The following SMARCD2 variants were observed in gnomAD, a reference collection of about 807,000 sequenced individuals.
The protein encoded by SMARCD2 is SWI/SNF-related matrix-associated actin-dependent regulator of chromatin subfamily D member 2.
SMARCD2 carries 39 observed loss-of-function variants against 70.4 expected under a neutral mutation model. The observed-to-expected ratio is 0.55, with a 90% CI of 0.43 to 0.72. The LOEUF is 0.72. Ranked by LOEUF, SMARCD2 falls within the 30% of genes least tolerant of loss-of-function variation. The pLI is 0.00. For missense variants in SMARCD2, 540 were observed against 713.4 expected (o/e 0.76, Z 2.77); for synonymous variants, 249 against 279.4 (o/e 0.89, Z 1.08).
At chr17:63,838,106 G>A (rs1270063221) in intron 1 of SMARCD2, among the ~76,000 whole-genome samples, 2 of 152,140 alleles carry the variant, frequency 1.3e-5, no homozygotes, top group Non-Finnish European at 2.9e-5. Context: ...AGTATGAGTA[G>A]GCCAATGGCG....
In SMARCD2 at chr17:63,837,561, C is replaced by T; in HGVS notation, c.281G>A (p.Gly94Asp). ...CGGAGCTGCTGCACCAAATGGGGAG[C>T]CAGCAGGGGGTCCCACCTGCAAGCC... ...MAGLQVGPPA[G>D]SPFGAAAPLR... Residue 94 changes from glycine to aspartate, a missense_variant, in exon 2 of 13, where the codon GGC (glycine) becomes GAC (aspartate). Transcript: ENST00000448276. The surrounding 1 kb of genome is among the most constrained non-coding windows in gnomAD (Gnocchi z 6.4). The T allele has an allele frequency of 1.2e-6, 2 of 1,611,988 alleles. No individual in the cohort carries two copies. The highest frequency in any genetic ancestry group is 1.7e-6 in the Non-Finnish European group (2 of 1,179,138).
At position 63,833,876 on chromosome 17, in the gene SMARCD2, G is replaced by GAAGA; in HGVS notation, c.1181+29_1181+32dup. 1.9e-6 allele frequency: 3 copies of GAAGA among 1,557,898 alleles called. No homozygotes were observed. Among genetic ancestry groups the GAAGA allele is most frequent in the Non-Finnish European group, 2.7e-6 (3 of 1,129,580 alleles). On this transcript the variant is annotated intron_variant, in intron 9 of 12. Coordinates refer to ENST00000448276, the MANE Select transcript of SMARCD2 (RefSeq NM_001098426.2). The surrounding 1 kb of genome is among the most constrained non-coding windows in gnomAD (Gnocchi z 4.3). ...CAAGCCAAGGGTGAATCTGCTCTTA[G>GAAGA]AAGAGCCTTCCTGTCCCCCTCCTTG... is the stretch of plus-strand genomic sequence containing the variant.
Position 63,834,231 on chromosome 17 carries a change from T to C in SMARCD2, c.1019A>G (p.Lys340Arg). The change falls in exon 8 of 13, where the codon AAG becomes AGG. Residue 340 changes from lysine (K) to arginine (R), a missense_variant. Physicochemically the swap from Lys to Arg is conservative, Grantham distance 26. Transcript: ENST00000448276. The surrounding 1 kb of genome is among the most constrained non-coding windows in gnomAD (Gnocchi z 5.6). ...AIMQALWLYI[K>R]HNQLQDGHER... The stretch of plus-strand genomic sequence containing the variant: ...GTGCCCATCCTGCAGCTGGTTGTGC[T>C]TGATGTAAAGCCACAGGGCCTGCAT... 1 of 1,609,372 alleles carries C rather than the reference T, an allele frequency of 6.2e-7. No homozygotes were observed. The highest frequency in any genetic ancestry group is 1.1e-5 in the South Asian group (1 of 90,318).
chr17:63,837,495 C>T lies in SMARCD2; in HGVS notation c.347G>A (p.Arg116Gln), dbSNP rs1369921784. The T allele has an allele frequency of 1.3e-6, 2 of 1,594,600 alleles. No homozygotes were observed. The highest frequency in any genetic ancestry group is 1.1e-5 in the South Asian group (1 of 89,024). ...CGCCTGGGGCACAAGCAGGCGTTTT[C>T]GGAATGGATCCATCATGGTGGGTGG... Reference protein sequence around the residue: ...GMPPTMMDPFRKRLLVPQAQP... With the variant: ...GMPPTMMDPFQKRLLVPQAQP... The change falls in exon 2 of 13, where the codon CGA (arginine) becomes CAA (glutamine). Residue 116 changes from arginine to glutamine, a missense_variant. Transcript: ENST00000448276. The surrounding 1 kb of genome is among the most constrained non-coding windows in gnomAD (Gnocchi z 6.4).
chr17:63,834,153 G>T lies in SMARCD2; in HGVS notation c.1083+14C>A. ...AGCAAGGGCTGAGAAAACGGGGGCTGGCATCTGGCTAACCTGGCGGAAGTA... is the reference window on the plus strand; with the variant it reads ...AGCAAGGGCTGAGAAAACGGGGGCTTGCATCTGGCTAACCTGGCGGAAGTA... On this transcript the variant is annotated intron_variant, in intron 8 of 12. Coordinates refer to ENST00000448276, the MANE Select transcript of SMARCD2 (RefSeq NM_001098426.2). This position sits in a 1 kb window ranked among gnomAD's most constrained non-coding sequence, Gnocchi z 5.6. 6.2e-7 allele frequency: 1 copy of T among 1,608,844 alleles called. No homozygotes were observed. Among genetic ancestry groups the T allele is most frequent in the South Asian group, 1.1e-5 (1 of 90,596 alleles).
chr17:63,837,412 G>A lies in SMARCD2; in HGVS notation c.401+29C>T. 6.4e-7 allele frequency: 1 copy of A among 1,569,304 alleles called. No individual in the cohort carries two copies. Among genetic ancestry groups the A allele is most frequent in the Non-Finnish European group, 8.7e-7 (1 of 1,153,262 alleles). On this transcript the variant is annotated intron_variant, in intron 2 of 12. Coordinates refer to ENST00000448276, the MANE Select transcript of SMARCD2 (RefSeq NM_001098426.2). This position sits in a 1 kb window ranked among gnomAD's most constrained non-coding sequence, Gnocchi z 6.4. ...TCTGCTACCACCAGAGCTGAGTTAG[G>A]CAGAGTGAGAGAAGCAGGATGCTCT...
rs1226832343 is a variant in SMARCD2 at position 63,842,646 on chromosome 17, G to A, written c.29C>T (p.Pro10Leu). Residue 10 changes from proline (P) to leucine (L), a missense_variant, in exon 1 of 13, where the codon CCG becomes CTG. Pro to Leu is a moderately conservative substitution (Grantham distance 98). Coordinates refer to ENST00000448276, the MANE Select transcript of SMARCD2 (RefSeq NM_001098426.2). MSGRGAGGF[P>L]LPPLSPGGGA... Reference sequence around the variant, plus strand: ...GCCGCCAGGGCTTAGCGGGGGCAGCGGGAACCCGCCCGCGCCTCGGCCCGA... The same window carrying A: ...GCCGCCAGGGCTTAGCGGGGGCAGCAGGAACCCGCCCGCGCCTCGGCCCGA... 7 of 1,273,436 alleles carry A rather than the reference G, an allele frequency of 5.5e-6. No individual in the cohort carries two copies. The highest frequency in any genetic ancestry group is 2.7e-5 in the South Asian group (1 of 37,186). The allele number at this position is 1,273,436 out of a possible 1,614,324, so 78.9% of individuals were successfully genotyped here.
chr17:63,833,797 T>C lies in SMARCD2; in HGVS notation c.1182-75A>G, dbSNP rs1269541804. 2 of 1,589,944 alleles carry C rather than the reference T, an allele frequency of 1.3e-6. No homozygotes were observed. The highest frequency in any genetic ancestry group is 4.5e-5 in the East Asian group (2 of 44,684). On this transcript the variant is annotated intron_variant, in intron 9 of 12. Transcript: ENST00000448276. The surrounding 1 kb of genome is among the most constrained non-coding windows in gnomAD (Gnocchi z 4.3). The stretch of plus-strand genomic sequence containing the variant: ...CCACCTGGGCCAAATCTGGGGCCCA[T>C]TCTCTGCACACACTCAGGGAAAAAG...
At chr17:63,842,383 G>T in intron 1 of SMARCD2, 76 bp downstream of exon 1, 2 of 1,254,468 alleles carry the variant, frequency 1.6e-6, no homozygotes, top group Non-Finnish European at 2.0e-6. Flanking sequence ...GCCCTCACTC[G>T]AGGCCCCTTC....
intron 1 of SMARCD2, among the ~76,000 whole-genome samples, chr17:63,840,066 T>G (rs1042976558): frequency 2.0e-5 from 3 of 151,664 alleles, no homozygotes; most frequent in Non-Finnish European, 4.4e-5. Flanking sequence ...GAGGCGGAGG[T>G]TGCAGTGAGC....
Position 63,833,811 on chromosome 17 carries a change from T to A in SMARCD2, c.1182-89A>T. On this transcript the variant is annotated intron_variant, in intron 9 of 12. Coordinates refer to ENST00000448276, the MANE Select transcript of SMARCD2 (RefSeq NM_001098426.2). This position sits in a 1 kb window ranked among gnomAD's most constrained non-coding sequence, Gnocchi z 4.3. ...TCTGGGGCCCATTCTCTGCACACAC[T>A]CAGGGAAAAAGAAACCTGATGCTTT... 2.5e-6 allele frequency: 4 copies of A among 1,581,246 alleles called. No homozygotes were observed. Among genetic ancestry groups the A allele is most frequent in the Non-Finnish European group, 3.5e-6 (4 of 1,152,668 alleles).
intron 1 of SMARCD2, among the ~76,000 whole-genome samples, chr17:63,838,233 G>T (rs1247312502): frequency 6.6e-6 from 1 of 152,002 alleles, no homozygotes; most frequent in South Asian, 2.1e-4. Flanking sequence ...GCTGGTGGGG[G>T]TGGCCTCGGG....
In SMARCD2 at chr17:63,834,387, G is replaced by T. The variant is rs761636627; in HGVS notation, c.922-59C>A. 17 of 1,582,122 alleles carry T rather than the reference G, an allele frequency of 1.1e-5. No homozygotes were observed. The highest frequency in any genetic ancestry group is 1.4e-5 in the Non-Finnish European group (16 of 1,156,532). On this transcript the variant is annotated intron_variant, in intron 7 of 12. Coordinates refer to ENST00000448276, the MANE Select transcript of SMARCD2 (RefSeq NM_001098426.2). This position sits in a 1 kb window ranked among gnomAD's most constrained non-coding sequence, Gnocchi z 5.6. Reference sequence around the variant, plus strand: ...CTTATAGTAGAACAGTGGGAAAATAGGGCAGGGACAGGAAGGGTTTCTAGG... The same window carrying T: ...CTTATAGTAGAACAGTGGGAAAATATGGCAGGGACAGGAAGGGTTTCTAGG...
Position 63,833,891 on chromosome 17 carries a change from C to T in SMARCD2, c.1181+18G>A, listed in dbSNP as rs376037646. 38 of 1,581,162 alleles carry T rather than the reference C, an allele frequency of 2.4e-5. No individual in the cohort carries two copies. The highest frequency in any genetic ancestry group is 5.0e-5 in the Admixed American group (3 of 59,918). On this transcript the variant is annotated intron_variant, in intron 9 of 12. Transcript: ENST00000448276. The surrounding 1 kb of genome is among the most constrained non-coding windows in gnomAD (Gnocchi z 4.3). ...TCTGCTCTTAGAAGAGCCTTCCTGT[C>T]CCCCTCCTTGCATTTACCTAATGAC...
At chr17:63,841,284 T>G (rs1327800767) in intron 1 of SMARCD2, among the ~76,000 whole-genome samples, 1 of 152,184 alleles carries the variant, frequency 6.6e-6, no homozygotes, top group Non-Finnish European at 1.5e-5. Flanking sequence ...TGTCCCTAGT[T>G]AAGCCATCTC....
At position 63,834,750 on chromosome 17, in the gene SMARCD2, A is replaced by G; in HGVS notation, c.774T>C (p.Ile258=). Reference sequence around the variant, plus strand: ...GCCCGTACAGCTCCTTGTCCAGCTCAATGACGAGGCTCTTAAAGAATGAAG... The same window carrying G: ...GCCCGTACAGCTCCTTGTCCAGCTCGATGACGAGGCTCTTAAAGAATGAAG... ...KFSSFFKSLV[I]ELDKELYGPD... Residue 258 remains isoleucine, a synonymous_variant, in exon 6 of 13, where the codon ATT becomes ATC. Transcript: ENST00000448276. The surrounding 1 kb of genome is among the most constrained non-coding windows in gnomAD (Gnocchi z 5.6). The G allele has an allele frequency of 6.2e-7, 1 of 1,613,926 alleles. No individual in the cohort carries two copies. Among genetic ancestry groups the G allele is most frequent in the Non-Finnish European group, 8.5e-7 (1 of 1,179,798 alleles).
chr17:63,836,183 C>A (rs1257949147), intron 4 of SMARCD2, among the ~76,000 whole-genome samples: 2 of 152,018 alleles, frequency 1.3e-5, no homozygotes, highest in African/African-American at 4.8e-5. Flanking sequence ...ATATCCTAGT[C>A]CCCTGGAAAG....
At position 63,833,911 on chromosome 17, in the gene SMARCD2, A is replaced by T; in HGVS notation, c.1179T>A (p.Ile393=). The change falls in exon 9 of 13, where the codon ATT becomes ATA. Residue 393 remains isoleucine (I), a splice_region_variant and synonymous_variant. Transcript: ENST00000448276. The surrounding 1 kb of genome is among the most constrained non-coding windows in gnomAD (Gnocchi z 4.3). The part of the protein sequence containing the change: ...HPDPIVINHV[I]SVDPNDQKKT... ...CCTGTCCCCCTCCTTGCATTTACCT[A>T]ATGACATGGTTGATGACAATGGGGT... 6.2e-7 allele frequency: 1 copy of T among 1,606,852 alleles called. No individual in the cohort carries two copies. The highest frequency in any genetic ancestry group is 1.1e-5 in the South Asian group (1 of 90,922).
At position 63,837,551 on chromosome 17, in the gene SMARCD2, A is replaced by G. The variant is rs746520221; in HGVS notation, c.291T>C (p.Phe97=). ...CAGGTCGAAGCGGAGCTGCTGCACCAAATGGGGAGCCAGCAGGGGGTCCCA... is the reference window on the plus strand; with the variant it reads ...CAGGTCGAAGCGGAGCTGCTGCACCGAATGGGGAGCCAGCAGGGGGTCCCA... ...LQVGPPAGSP[F]GAAAPLRPGM... is the part of the protein sequence containing the mutation. Residue 97 remains phenylalanine, a synonymous_variant, in exon 2 of 13, where the codon TTT becomes TTC. Coordinates refer to ENST00000448276, the MANE Select transcript of SMARCD2 (RefSeq NM_001098426.2). The surrounding 1 kb of genome is among the most constrained non-coding windows in gnomAD (Gnocchi z 6.4). 4 of 1,611,798 alleles carry G rather than the reference A, an allele frequency of 2.5e-6. No individual in the cohort carries two copies. Among genetic ancestry groups the G allele is most frequent in the Admixed American group, 1.7e-5 (1 of 59,770 alleles).
Sources: gnomAD v4.1 joint callset for allele counts (sites outside exome capture counted in the v4.1 genomes callset) on GRCh38, gnomAD v4.1.1 for gene constraint, Gnocchi (gnomAD v3.1) non-coding constraint, MANE v1.5 for transcripts, NCBI Gene and HGNC (gene_info 2026-07-23, HGNC 2026-07-21) for gene names.